Variants in DLG2 observed in about 807,000 individuals in gnomAD.
The protein encoded by DLG2 is discs large MAGUK scaffold protein 2.
Under a neutral mutation model 132.5 loss-of-function variants are expected in DLG2, and 45 were observed. The observed-to-expected ratio is 0.34, with a 90% CI of 0.27 to 0.44. The LOEUF (loss-of-function observed/expected upper bound fraction) is 0.44. Among genes scored for constraint, DLG2 ranks in the 20% least tolerant of loss-of-function variants. The pLI, the probability that DLG2 is intolerant of heterozygous loss-of-function variation, is 1.00. For missense variants in DLG2, 1,045 were observed against 1,196.9 expected, an observed-to-expected ratio of 0.87 and a Z score of 1.87; for synonymous variants, 424 against 419.6, an observed-to-expected ratio of 1.01 and a Z score of -0.13.
chr11:84,589,599 T>C (rs551008119), intron 6 of DLG2, among the ~76,000 whole-genome samples: 52 of 152,328 alleles, frequency 3.4e-4, no homozygotes, highest in African/African-American at 1.1e-3. Context: ...AAAAATGTTA[T>C]ACTTAATGCA....
At chr11:85,306,703 G>T (rs2079969914) in intron 3 of DLG2, among the ~76,000 whole-genome samples, 1 of 152,120 alleles carries the variant, frequency 6.6e-6, no homozygotes. Context: ...CCCCTAAGTA[G>T]CTGGGACTAC....
At chr11:85,430,589 A>C (rs925540370) in intron 3 of DLG2, among the ~76,000 whole-genome samples, 1 of 152,156 alleles carries the variant, frequency 6.6e-6, no homozygotes, top group Non-Finnish European at 1.5e-5. Context: ...TGAGAAGTAA[A>C]AATGTAACAA....
chr11:84,758,839 C>A (rs933806532), intron 6 of DLG2, among the ~76,000 whole-genome samples: 1 of 152,108 alleles, frequency 6.6e-6, no homozygotes, highest in Non-Finnish European at 1.5e-5. Flanking sequence ...TACTTTTCTA[C>A]AAAATACACA....
intron 4 of DLG2, among the ~76,000 whole-genome samples, chr11:85,160,750 T>C (rs1000430130): frequency 1.2e-4 from 19 of 152,134 alleles, no homozygotes; most frequent in African/African-American, 4.3e-4. Context: ...CCTGCACCAA[T>C]GGCCTCATGG....
chr11:85,015,292 A>G (rs574089995), intron 6 of DLG2, among the ~76,000 whole-genome samples: 1 of 152,158 alleles, frequency 6.6e-6, no homozygotes, highest in Admixed American at 6.6e-5. Flanking sequence ...CACACTGTCT[A>G]TTTGCAGTCT....
chr11:83,929,053 T>C (rs1329189631), intron 15 of DLG2, among the ~76,000 whole-genome samples: 1 of 149,282 alleles, frequency 6.7e-6, no homozygotes, highest in Admixed American at 6.6e-5. Context: ...TTCTGAAATA[T>C]TAGTTAGACT....
chr11:85,198,893 T>C (rs2152546340), intron 4 of DLG2, among the ~76,000 whole-genome samples: 2 of 152,304 alleles, frequency 1.3e-5, no homozygotes, highest in African/African-American at 4.8e-5. Flanking sequence ...CGTGCTTTTG[T>C]ACCTGATAAT....
chr11:83,528,797 G>T (rs2140934484), intron 21 of DLG2, among the ~76,000 whole-genome samples: 1 of 152,222 alleles, frequency 6.6e-6, no homozygotes, highest in East Asian at 1.9e-4. Context: ...CATTAGTGAT[G>T]CTGTATTATC....
intron 7 of DLG2, among the ~76,000 whole-genome samples, chr11:84,524,478 C>A (rs2099314072): frequency 6.6e-6 from 1 of 152,208 alleles, no homozygotes; most frequent in Non-Finnish European, 1.5e-5. Context: ...CATATTTCAA[C>A]CATTTCCTCT....
intron 9 of DLG2, among the ~76,000 whole-genome samples, chr11:84,138,735 T>C (rs1404616482): frequency 6.6e-6 from 1 of 152,086 alleles, no homozygotes; most frequent in African/African-American, 2.4e-5. Flanking sequence ...GATCACTTTA[T>C]GTCAGGAGTT....
chr11:84,455,307 T>C (rs1290675857), intron 7 of DLG2, among the ~76,000 whole-genome samples: 1 of 151,480 alleles, frequency 6.6e-6, no homozygotes, highest in Non-Finnish European at 1.5e-5. Flanking sequence ...GCATTGCAAG[T>C]AGATTCATAA....
intron 18 of DLG2, among the ~76,000 whole-genome samples, chr11:83,748,610 C>T (rs551039402): frequency 1.4e-4 from 21 of 152,272 alleles, no homozygotes; most frequent in Middle Eastern, 3.4e-3. Context: ...AGAAACATGA[C>T]TCTGCCTGAG....
In DLG2 at chr11:85,392,104, A is replaced by G. The variant is rs148246313; in HGVS notation, c.41-106739T>C. The stretch of plus-strand genomic sequence containing the variant: ...ATTAAGCAAAGTTTCAGAAAACAAA[A>G]TTAATGTAAAAAATTAGTGGCTCTG... On this transcript the variant is annotated intron_variant, in intron 3 of 27. Transcript: ENST00000376104. 2.9e-3 allele frequency among the ~76,000 whole-genome samples: 443 copies of G among 152,260 alleles called. 1 individual carries two copies. The highest frequency in any genetic ancestry group is 0.01 in the African/African-American group (429 of 41,574).
chr11:84,845,464 A>G (rs2081338930), intron 6 of DLG2, among the ~76,000 whole-genome samples: 1 of 152,094 alleles, frequency 6.6e-6, no homozygotes, highest in Non-Finnish European at 1.5e-5. Flanking sequence ...GAATATATGG[A>G]AATAATATAT....
chr11:84,670,659 C>A (rs181962672), intron 6 of DLG2, among the ~76,000 whole-genome samples: 57 of 152,226 alleles, frequency 3.7e-4, no homozygotes, highest in African/African-American at 1.2e-3. Context: ...TCACTAATCA[C>A]AATACATCTC....
At chr11:84,046,572 G>C (rs1193207992) in intron 11 of DLG2, among the ~76,000 whole-genome samples, 11 of 151,392 alleles carry the variant, frequency 7.3e-5, no homozygotes, top group Non-Finnish European at 1.3e-4. Context: ...ACCACGATAA[G>C]GCACTGACTC....
At chr11:84,792,842 T>C (rs1382685936) in intron 6 of DLG2, among the ~76,000 whole-genome samples, 1 of 152,128 alleles carries the variant, frequency 6.6e-6, no homozygotes, top group Non-Finnish European at 1.5e-5. Flanking sequence ...GGTTTGTTAA[T>C]TGCATTTATC....
intron 19 of DLG2, among the ~76,000 whole-genome samples, chr11:83,553,483 CGTGTGTGTGTGT>C (rs71959561): frequency 1.0e-3 from 146 of 143,766 alleles, no homozygotes; most frequent in African/African-American, 1.3e-3. Context: ...AAGTAAGCAC[CGTGTGTGTGTGT>C]GTGTGTGTGT....
intron 7 of DLG2, among the ~76,000 whole-genome samples, chr11:84,396,545 A>C (rs2098811707): frequency 6.6e-6 from 1 of 152,216 alleles, no homozygotes; most frequent in South Asian, 2.1e-4. Flanking sequence ...CTCAAGCCTC[A>C]ATCTTTTAGA....
Sources: gnomAD v4.1 joint callset for allele counts (sites outside exome capture counted in the v4.1 genomes callset) on GRCh38, gnomAD v4.1.1 for gene constraint, MANE v1.5 for transcripts, NCBI Gene and HGNC (gene_info 2026-07-23, HGNC 2026-07-21) for gene names.